The following SLC8A2 variants were observed in gnomAD, a reference collection of about 807,000 sequenced individuals.
SLC8A2 encodes solute carrier family 8 member A2.
In SLC8A2, 14 loss-of-function variants were observed where a neutral mutation model predicts 70.2. That is an observed-to-expected ratio of 0.20 (90% confidence interval 0.13 to 0.31). The LOEUF (loss-of-function observed/expected upper bound fraction) is 0.31. Among genes scored for constraint, SLC8A2 ranks in the 10% least tolerant of loss-of-function variants. SLC8A2 has a pLI of 1.00. For missense variants in SLC8A2, 779 were observed against 1,320.1 expected (o/e 0.59, Z 6.35); for synonymous variants, 575 against 594.3 (o/e 0.97, Z 0.47).
At chr19:47,449,866 TG>T (rs1967214354) in intron 3 of SLC8A2, among the ~76,000 whole-genome samples, 1 of 137,878 alleles carries the variant, frequency 7.3e-6, no homozygotes, top group South Asian at 2.1e-4. Context: ...GCGTTTACCC[TG>T]AGTGAGGAAG....
intron 8 of SLC8A2, among the ~76,000 whole-genome samples, chr19:47,434,878 C>A (rs993475175): frequency 2.0e-5 from 3 of 152,150 alleles, no homozygotes; most frequent in Non-Finnish European, 4.4e-5. Context: ...TGAGTTCACA[C>A]AGGAAATAAA....
intron 2 of SLC8A2, among the ~76,000 whole-genome samples, chr19:47,461,223 C>T (rs966071695): frequency 1.3e-5 from 2 of 150,126 alleles, no homozygotes; most frequent in Non-Finnish European, 3.0e-5. Context: ...ACAAGGCCCC[C>T]GAAGGCCAGG....
At chr19:47,452,432 GAGAGAGAGAGAGAGT>G (rs1967251121) in intron 3 of SLC8A2, among the ~76,000 whole-genome samples, 1 of 105,004 alleles carries the variant, frequency 9.5e-6, no homozygotes. Flanking sequence ...GAGAGAGAGA[GAGAGAGAGAGAGAGT>G]GTGTGTGTGT....
At chr19:47,441,093 T>C in intron 6 of SLC8A2, 76 bp downstream of exon 6, 1 of 1,407,522 alleles carries the variant, frequency 7.1e-7, no homozygotes, top group Non-Finnish European at 1.0e-6. Flanking sequence ...AAGAGTAGCT[T>C]TGGGGCTGGG....
At chr19:47,451,308 C>CTTTTTTTTTTTTTTTTTTTTT (rs1555749092) in intron 3 of SLC8A2, among the ~76,000 whole-genome samples, 1 of 150,362 alleles carries the variant, frequency 6.7e-6, no homozygotes, top group African/African-American at 2.5e-5. Context: ...GCGCCCAGAC[C>CTTTTTTTTTTTTTTTTTTTTT]TTTTTTTTGT....
intron 2 of SLC8A2, among the ~76,000 whole-genome samples, chr19:47,458,843 C>T (rs1160578603): frequency 1.4e-5 from 2 of 146,012 alleles, no homozygotes; most frequent in Non-Finnish European, 3.0e-5. Context: ...TTCCCTTGTC[C>T]TTCTCTTAGT....
At position 47,457,026 on chromosome 19, in the gene SLC8A2, G is replaced by C. The variant is rs778871474; in HGVS notation, c.1244C>G (p.Ser415Cys). The change falls in exon 3 of 10, where the codon TCC becomes TGC. Residue 415 changes from serine to cysteine, a missense_variant. By Grantham distance (112) the Ser-to-Cys change is moderately radical. Transcript: ENST00000236877. ...GCCCTCGCCGCCCTGGCACGTGACG[G>C]ACAGCAGCACGGAGCCGCAGTTCTC... The part of the protein sequence containing the change: ...CLENCGSVLL[S>C]VTCQGGEGNS... 1.2e-6 allele frequency: 2 copies of C among 1,611,726 alleles called. No individual in the cohort carries two copies. Among genetic ancestry groups the C allele is most frequent in the Non-Finnish European group, 1.7e-6 (2 of 1,179,152 alleles).
rs368699215 is a variant in SLC8A2, at chr19:47,461,757, GTC to G, written c.675+3970_675+3971del. On this transcript the variant is annotated intron_variant, in intron 2 of 9. Transcript: ENST00000236877. The stretch of plus-strand genomic sequence containing the variant: ...CTACCATTATGTATATTGCAAGGAA[GTC>G]TCTATTCATCAGAAGACAATCCCAA... 3.8e-3 allele frequency among the ~76,000 whole-genome samples: 572 copies of G among 152,348 alleles called. 2 individuals are homozygous for G. Among genetic ancestry groups the G allele is most frequent in the African/African-American group, 0.013 (538 of 41,580 alleles).
chr19:47,469,430 G>T (rs1010504972), intron 1 of SLC8A2, among the ~76,000 whole-genome samples: 3 of 152,074 alleles, frequency 2.0e-5, no homozygotes, highest in Admixed American at 6.6e-5. Flanking sequence ...CTCGGCCTGG[G>T]AAGTCCTCCC....
chr19:47,451,501 G>C (rs1280212096), intron 3 of SLC8A2, among the ~76,000 whole-genome samples: 2 of 152,040 alleles, frequency 1.3e-5, no homozygotes, highest in Non-Finnish European at 2.9e-5. Flanking sequence ...TAGACATGGG[G>C]TTTTGCCATG....
At chr19:47,441,526 A>C (rs1967099639) in intron 4 of SLC8A2, 86 bp from the exon 5 acceptor site, 1 of 734,426 alleles carries the variant, frequency 1.4e-6, no homozygotes, top group Non-Finnish European at 2.4e-6. Context: ...GCAGCCACCC[A>C]GTTTTCCAAG....
chr19:47,457,139 G>A lies in SLC8A2; in HGVS notation c.1131C>T (p.Arg377=). ...CCGCGCCCTCGGCCGGCGCCGCCCTGCGCGAGGCGTCCGCCGCGTGTCTGC... is the reference window on the plus strand; with the variant it reads ...CCGCGCCCTCGGCCGGCGCCGCCCTACGCGAGGCGTCCGCCGCGTGTCTGC... ...VLRRHAADAS[R]RAAPAEGAGE... The change falls in exon 3 of 10, where the codon CGC becomes CGT. Residue 377 remains arginine (R), a synonymous_variant. Coordinates refer to ENST00000236877, the MANE Select transcript of SLC8A2 (RefSeq NM_015063.3). The A allele has an allele frequency of 6.5e-7, 1 of 1,542,794 alleles. No individual in the cohort carries two copies. Among genetic ancestry groups the A allele is most frequent in the Non-Finnish European group, 8.7e-7 (1 of 1,144,260 alleles).
chr19:47,437,154 T>C (rs937598885), intron 8 of SLC8A2, among the ~76,000 whole-genome samples: 1 of 152,160 alleles, frequency 6.6e-6, no homozygotes, highest in Non-Finnish European at 1.5e-5. Flanking sequence ...GTCTTCTCCA[T>C]GTCTCTCTGA....
At position 47,448,147 on chromosome 19, in the gene SLC8A2, GTCC is replaced by G; in HGVS notation, c.1422_1424del (p.Glu474del). The G allele has an allele frequency of 6.2e-7, 1 of 1,612,942 alleles. No homozygotes were observed. The highest frequency in any genetic ancestry group is 8.5e-7 in the Non-Finnish European group (1 of 1,179,710). On this transcript the variant is annotated inframe_deletion, in exon 4 of 10. Coordinates refer to ENST00000236877, the MANE Select transcript of SLC8A2 (RefSeq NM_015063.3). This position sits in a 1 kb window ranked among gnomAD's most constrained non-coding sequence, Gnocchi z 4.8. ...TCAGCAGCCGCACGAAGAAATGCTC[GTCC>G]TCCTCGAAGATGTCGTCGTCGATGA...
At chr19:47,438,105 C>T in intron 6 of SLC8A2, 132 bp from the exon 7 acceptor site, 1 of 1,068,944 alleles carries the variant, frequency 9.4e-7, no homozygotes, top group South Asian at 1.5e-5. Flanking sequence ...GGTGACTCCT[C>T]CCAGCCTCCC....
chr19:47,451,668 A>G (rs1967236821), intron 3 of SLC8A2, among the ~76,000 whole-genome samples: 2 of 152,214 alleles, frequency 1.3e-5, no homozygotes, highest in African/African-American at 4.8e-5. Context: ...TTACCAAACA[A>G]TTAAACTGGG....
chr19:47,431,942 G>GT (rs1399960181), intron 9 of SLC8A2: 1 of 437,442 alleles, frequency 2.3e-6, no homozygotes, highest in African/African-American at 2.0e-5. Flanking sequence ...TGCTACCTTA[G>GT]TTTTATGGGA....
chr19:47,437,751 G>C (rs1967048863), intron 7 of SLC8A2, 98 bp downstream of exon 7: 2 of 1,467,374 alleles, frequency 1.4e-6, no homozygotes, highest in Non-Finnish European at 1.9e-6. Flanking sequence ...CCCTTCTTTG[G>C]CTTGATCTTA....
In SLC8A2 at chr19:47,447,961, G is replaced by A. The variant is rs1255138629; in HGVS notation, c.1611C>T (p.Cys537=). The part of the protein sequence containing the change: ...FQDRLLHVSE[C]MGTVDVRVVR... ...CGACGCGCACGTCCACGGTGCCCAT[G>A]CACTCGCTCACGTGCAGCAGGCGGT... Residue 537 remains cysteine (C), a synonymous_variant, in exon 4 of 10, where the codon TGC becomes TGT. Transcript: ENST00000236877. The surrounding 1 kb of genome is among the most constrained non-coding windows in gnomAD (Gnocchi z 5.1). The A allele has an allele frequency of 6.4e-7, 1 of 1,561,582 alleles. No individual in the cohort carries two copies. Among genetic ancestry groups the A allele is most frequent in the South Asian group, 1.2e-5 (1 of 85,838 alleles).
Sources: allele counts gnomAD v4.1 joint callset (sites outside exome capture counted in the v4.1 genomes callset), GRCh38; gene constraint gnomAD v4.1.1; non-coding constraint Gnocchi (gnomAD v3.1); transcripts MANE v1.5; gene names NCBI Gene and HGNC (gene_info 2026-07-23, HGNC 2026-07-21).